Variants in SOX6 observed in about 807,000 individuals in gnomAD.
SOX6 encodes SRY-box transcription factor 6.
A neutral mutation model predicts 97.8 loss-of-function variants in SOX6; 11 were observed. The observed-to-expected ratio is 0.11, with a 90% CI of 0.07 to 0.19. The LOEUF is 0.19. Among genes scored for constraint, SOX6 ranks in the 10% least tolerant of loss-of-function variants. The probability of loss-of-function intolerance (pLI) is 1.00; values close to 1 mark genes in which losing one functional copy is unlikely to be tolerated. For synonymous variants in SOX6, 360 were observed against 371.4 expected (o/e 0.97, Z 0.35); for missense variants, 810 against 1,039.5 (o/e 0.78, Z 3.04).
rs186576980 is a variant in SOX6, at chr11:16,413,885, G to T, written c.-5+62430C>A. On this transcript the variant is annotated intron_variant, in intron 1 of 15. Coordinates refer to the SOX6 transcript ENST00000396356. ...CATTTTTTGGCCATTAATATCTTGG[G>T]TTGAGTATGCTCACCCAATTCTTTC... 4.6e-3 allele frequency among the ~76,000 whole-genome samples: 698 copies of T among 152,250 alleles called. 5 individuals carry two copies. The highest frequency in any genetic ancestry group is 0.016 in the African/African-American group (675 of 41,546).
intron 3 of SOX6, among the ~76,000 whole-genome samples, chr11:16,277,659 TA>T (rs1854439039): frequency 6.6e-6 from 1 of 152,168 alleles, no homozygotes; most frequent in South Asian, 2.1e-4. Flanking sequence ...CCTCAGCCTA[TA>T]GCTGCTCCAA....
At chr11:16,059,229 A>G (rs1847890357) in intron 9 of SOX6, among the ~76,000 whole-genome samples, 1 of 152,128 alleles carries the variant, frequency 6.6e-6, no homozygotes, top group Admixed American at 6.6e-5. Flanking sequence ...AACTGGCAAT[A>G]AATGAAAATG....
At chr11:16,079,449 T>C (rs1204715345) in intron 9 of SOX6, among the ~76,000 whole-genome samples, 2 of 152,324 alleles carry the variant, frequency 1.3e-5, no homozygotes, top group East Asian at 3.9e-4. Context: ...GTTTTTACTG[T>C]TTTTAAGCTA....
intron 1 of SOX6, among the ~76,000 whole-genome samples, chr11:16,400,457 G>A (rs1040271408): frequency 6.6e-6 from 1 of 151,328 alleles, no homozygotes; most frequent in African/African-American, 2.4e-5. Context: ...TAATAAACAA[G>A]ATATTCTTAT....
At chr11:16,442,993 C>G (rs1407469468) in intron 1 of SOX6, among the ~76,000 whole-genome samples, 1 of 152,104 alleles carries the variant, frequency 6.6e-6, no homozygotes, top group Admixed American at 6.5e-5. Flanking sequence ...TCCCCCATTC[C>G]CTCTGCCCCA....
chr11:16,611,909 C>A (rs1446303655), intron 4 of SOX6, among the ~76,000 whole-genome samples: 1 of 152,160 alleles, frequency 6.6e-6, no homozygotes, highest in South Asian at 2.1e-4. Context: ...AATGCATGAA[C>A]TTTTTTCCAA....
At chr11:16,288,131 G>A (rs1298321598) in intron 3 of SOX6, among the ~76,000 whole-genome samples, 3 of 152,016 alleles carry the variant, frequency 2.0e-5, no homozygotes, top group Non-Finnish European at 4.4e-5. Flanking sequence ...TAGAGAAAAG[G>A]CAGGAGTACA....
chr11:16,544,208 G>C (rs1446997685), intron 4 of SOX6, among the ~76,000 whole-genome samples: 2 of 152,070 alleles, frequency 1.3e-5, no homozygotes, highest in African/African-American at 4.8e-5. Context: ...TGGGATTGGG[G>C]GTGGGAGAAA....
At chr11:16,273,478 C>A (rs1405699109) in intron 3 of SOX6, among the ~76,000 whole-genome samples, 1 of 151,850 alleles carries the variant, frequency 6.6e-6, no homozygotes, top group African/African-American at 2.4e-5. Flanking sequence ...AGACCCTGAT[C>A]CCCATTCAAA....
intron 9 of SOX6, among the ~76,000 whole-genome samples, chr11:16,087,632 CT>C (rs1848605704): frequency 1.3e-5 from 2 of 151,844 alleles, no homozygotes; most frequent in Admixed American, 1.3e-4. Flanking sequence ...GAAAAAAAAA[CT>C]GAGGATAAAC....
rs780697110 is a variant in SOX6, at chr11:16,341,093, G to T, written c.156C>A (p.His52Gln). The T allele has an allele frequency of 5.6e-6, 9 of 1,613,554 alleles. No homozygotes were observed. Among genetic ancestry groups the T allele is most frequent in the South Asian group, 1.1e-5 (1 of 91,078 alleles). Residue 52 changes from histidine (H) to glutamine (Q), a missense_variant, in exon 2 of 16, where the codon CAC (histidine) becomes CAA (glutamine). Transcript: ENST00000683767. The stretch of plus-strand genomic sequence containing the variant: ...TGACAAGTGTTGGTAGCTCCTCAGA[G>T]TGAGGTTTGTTGTGCATTATGGGGT... ...PLHPIMHNKP[H>Q]SEELPTLVST...
chr11:16,062,650 T>C (rs936066991), intron 9 of SOX6, among the ~76,000 whole-genome samples: 2 of 151,732 alleles, frequency 1.3e-5, no homozygotes, highest in African/African-American at 4.8e-5. Flanking sequence ...ATCCAAGATA[T>C]ATAAAAGACC....
intron 1 of SOX6, among the ~76,000 whole-genome samples, chr11:16,451,349 T>C (rs1859712795): frequency 6.6e-6 from 1 of 152,248 alleles, no homozygotes; most frequent in Middle Eastern, 3.4e-3. Flanking sequence ...GTCAGAGGGT[T>C]GTCTGTAACT....
chr11:16,245,827 T>G (rs1853318690), intron 3 of SOX6, among the ~76,000 whole-genome samples: 1 of 151,466 alleles, frequency 6.6e-6, no homozygotes, highest in Non-Finnish European at 1.5e-5. Flanking sequence ...TTATATTTAT[T>G]ATGTCTCTTG....
chr11:16,324,130 G>A (rs1856002790), intron 2 of SOX6, among the ~76,000 whole-genome samples: 1 of 152,058 alleles, frequency 6.6e-6, no homozygotes, highest in African/African-American at 2.4e-5. Context: ...GCCACAGTAA[G>A]CCATGATTGC....
At chr11:16,187,035 A>C (rs1210844113) in intron 4 of SOX6, 80 bp from the exon 5 acceptor site, 1 of 1,472,860 alleles carries the variant, frequency 6.8e-7, no homozygotes, top group East Asian at 2.3e-5. Context: ...GAATTTAGAA[A>C]GGGACTATCC....
intron 3 of SOX6, among the ~76,000 whole-genome samples, chr11:16,678,263 TTCTC>T (rs1847899309): frequency 6.6e-6 from 1 of 152,200 alleles, no homozygotes. Context: ...AGTTTTCTTG[TTCTC>T]TAATGCAGGT....
chr11:16,270,417 T>TAGTC (rs1440030781), intron 3 of SOX6, among the ~76,000 whole-genome samples: 2 of 151,390 alleles, frequency 1.3e-5, no homozygotes, highest in East Asian at 3.8e-4. Flanking sequence ...TAAATTGGTG[T>TAGTC]AGTCACTGTG....
intron 3 of SOX6, among the ~76,000 whole-genome samples, chr11:16,293,693 T>C (rs1329179871): frequency 1.3e-5 from 2 of 152,116 alleles, no homozygotes; most frequent in Admixed American, 1.3e-4. Flanking sequence ...GAGATGTGAC[T>C]TTTACAGGTC....
Sources: allele counts gnomAD v4.1 joint callset (sites outside exome capture counted in the v4.1 genomes callset), GRCh38; gene constraint gnomAD v4.1.1; transcripts MANE v1.5; gene names NCBI Gene and HGNC (gene_info 2026-07-23, HGNC 2026-07-21).